The following FCRL4 variants were observed in gnomAD, a reference collection of about 807,000 sequenced individuals.
FCRL4 encodes Fc receptor like 4.
In FCRL4, 43 loss-of-function variants were observed where a neutral mutation model predicts 64.1. That is an observed-to-expected ratio of 0.67 (90% confidence interval 0.53 to 0.87). The LOEUF is 0.87. Among genes scored for constraint, FCRL4 ranks in the 40% least tolerant of loss-of-function variants. The pLI is 0.00. For synonymous variants in FCRL4, 253 were observed against 239.8 expected, an observed-to-expected ratio of 1.05 and a Z score of -0.51; for missense variants, 656 against 613.5, an observed-to-expected ratio of 1.07 and a Z score of -0.73.
chr1:157,592,100 T>A (rs1307888894), intron 2 of FCRL4, among the ~76,000 whole-genome samples: 4 of 152,144 alleles, frequency 2.6e-5, no homozygotes, highest in South Asian at 2.1e-4. Flanking sequence ...TAACTCAAGA[T>A]GGATTAAAGA....
intron 5 of FCRL4, 149 bp downstream of exon 5, chr1:157,587,127 A>G: frequency 4.9e-6 from 4 of 822,750 alleles, no homozygotes; most frequent in Non-Finnish European, 7.6e-6. Context: ...GAAGTCATGT[A>G]TTTCTTTTAT....
chr1:157,597,815 G>A, intron 1 of FCRL4, 99 bp downstream of exon 1: 1 of 837,638 alleles, frequency 1.2e-6, no homozygotes, highest in Non-Finnish European at 2.0e-6. Context: ...GTTCTAAAAT[G>A]GGAGTAAAAA....
intron 1 of FCRL4, 27 bp from the exon 2 acceptor site, chr1:157,596,375 C>T: frequency 6.2e-7 from 1 of 1,613,804 alleles, no homozygotes; most frequent in Non-Finnish European, 8.5e-7. Flanking sequence ...AGCCAGCCAT[C>T]AGCGTAGGCG....
intron 2 of FCRL4, 80 bp from the exon 3 acceptor site, chr1:157,589,538 G>C (rs1262207272): frequency 6.5e-7 from 1 of 1,540,154 alleles, no homozygotes; most frequent in Non-Finnish European, 8.8e-7. Context: ...TTACAGTGGA[G>C]GACATGGCTT....
Position 157,587,424 on chromosome 1 carries a change from G to T in FCRL4, c.699C>A (p.Gly233=). 1 of 1,614,210 alleles carries T rather than the reference G, an allele frequency of 6.2e-7. No individual in the cohort carries two copies. Among genetic ancestry groups the T allele is most frequent in the Non-Finnish European group, 8.5e-7 (1 of 1,180,044 alleles). Residue 233 remains glycine (G), a synonymous_variant, in exon 5 of 12, where the codon GGC becomes GGA. Transcript: ENST00000271532. ...TGCTCCAGTCTGACAGGATGACCTC[G>T]CCATCTCTGAAGAAGTTGAAGTGAA... ...TPLHFNFFRD[G]EVILSDWSTY... is the part of the protein sequence containing the mutation.
rs1652701583 is a variant in FCRL4 at position 157,586,543 on chromosome 1, T to A, written c.848-88A>T. The A allele has an allele frequency of 4.9e-6, 6 of 1,219,170 alleles. No individual in the cohort carries two copies. The South Asian group carries it at 8.6e-5, about 17-fold the overall frequency. The allele number at this position is 1,219,170 out of a possible 1,614,324, so 75.5% of individuals were successfully genotyped here. A position where few individuals can be genotyped will look rare whatever the true frequency, so the allele number is the denominator to read the frequency against. On this transcript the variant is annotated intron_variant, in intron 5 of 11. Transcript: ENST00000271532. ...GGGTGTTGGGCAGGGTTACTTTTTA[T>A]GTGACTTCAAGATATACTCTTCAGC...
intron 10 of FCRL4, 88 bp from the exon 11 acceptor site, chr1:157,575,818 C>T: frequency 4.0e-6 from 5 of 1,255,600 alleles, no homozygotes; most frequent in Admixed American, 3.4e-5. Context: ...AGTCTGAGAG[C>T]CACTGGGCCC....
chr1:157,586,196 C>G lies in FCRL4; in HGVS notation c.1107G>C (p.Gln369His). ...TCACAGTGACATTCAGCACCATGCT[C>G]TGGACAGGGCCGTAGCTGTTGTCTG... ...CTADNSYGPV[Q>H]SMVLNVTVRE... Residue 369 changes from glutamine (Q) to histidine (H), a missense_variant, in exon 6 of 12, where the codon CAG becomes CAC. Coordinates refer to ENST00000271532, the MANE Select transcript of FCRL4 (RefSeq NM_031282.3). 6.2e-7 allele frequency: 1 copy of G among 1,613,026 alleles called. No homozygotes were observed. The highest frequency in any genetic ancestry group is 1.3e-5 in the African/African-American group (1 of 75,012).
rs748339295 is a variant in FCRL4 at position 157,575,542 on chromosome 1, A to G, written c.1530T>C (p.Ser510=). The G allele has an allele frequency of 1.4e-5, 23 of 1,613,336 alleles. No individual in the cohort carries two copies. In the South Asian group the frequency reaches 1.6e-4, roughly 12 times the overall value. ...HPDNSAGKIS[S]KDEES Reference sequence around the variant, plus strand: ...CATTCTCTTAACTTTCTTCATCCTTAGAGCTGATCTTTCCAGCTGAGTTAT... The same window carrying G: ...CATTCTCTTAACTTTCTTCATCCTTGGAGCTGATCTTTCCAGCTGAGTTAT... The change falls in exon 12 of 12, where the codon TCT becomes TCC. Residue 510 remains serine, a synonymous_variant. Transcript: ENST00000271532.
At chr1:157,580,295 AG>A in intron 8 of FCRL4, 25 bp downstream of exon 8, 1 of 1,613,772 alleles carries the variant, frequency 6.2e-7, no homozygotes, top group East Asian at 2.2e-5. Context: ...GAAACTAAAA[AG>A]GAATGGCAGA....
intron 6 of FCRL4, among the ~76,000 whole-genome samples, chr1:157,585,228 CTCTTTCCTT>C (rs1182172552): frequency 7.1e-6 from 1 of 140,668 alleles, no homozygotes; most frequent in Non-Finnish European, 1.5e-5. Context: ...CCTTTCTTTC[CTCTTTCCTT>C]TCTTTCCTTT....
chr1:157,579,945 T>C (rs1571135840), intron 8 of FCRL4, among the ~76,000 whole-genome samples: 1 of 133,100 alleles, frequency 7.5e-6, no homozygotes, highest in South Asian at 2.1e-4. Context: ...ATTAGAAACA[T>C]AGAGTTCTCT....
chr1:157,581,512 C>CA lies in FCRL4; in HGVS notation c.1249+18dup. The CA allele has an allele frequency of 6.2e-7, 1 of 1,607,804 alleles. No individual in the cohort carries two copies. Among genetic ancestry groups the CA allele is most frequent in the African/African-American group, 1.3e-5 (1 of 74,900 alleles). On this transcript the variant is annotated intron_variant, in intron 7 of 11. Coordinates refer to ENST00000271532, the MANE Select transcript of FCRL4 (RefSeq NM_031282.3). The stretch of plus-strand genomic sequence containing the variant: ...GGAAGGAACAGGGCAGGAACTGTGG[C>CA]AAAGAAAAGAGCACAAACCTGACTT...
intron 1 of FCRL4, 31 bp from the exon 2 acceptor site, chr1:157,596,379 G>C (rs371249932): frequency 6.2e-7 from 1 of 1,613,660 alleles, no homozygotes; most frequent in African/African-American, 1.3e-5. Flanking sequence ...AGCCATCAGC[G>C]TAGGCGAAGA....
intron 1 of FCRL4, among the ~76,000 whole-genome samples, chr1:157,596,978 C>T (rs1033808121): frequency 6.6e-6 from 1 of 152,160 alleles, no homozygotes; most frequent in Admixed American, 6.5e-5. Context: ...CATGGGGTGC[C>T]CTTAGAAAAG....
Position 157,587,979 on chromosome 1 carries a change from A to C in FCRL4, c.448T>G (p.Trp150Gly). The change falls in exon 4 of 12, where the codon TGG becomes GGG. Residue 150 changes from tryptophan to glycine, a missense_variant. By Grantham distance (184) the Trp-to-Gly change is radical. Transcript: ENST00000271532. ...CTTGCTTGTGGGATAAGAAGATCCC[A>C]GCTTTTATTAGAAATGGAAAGAATG... ...GNILSISNKS[W>G]DLLIPQASSN... 6.2e-7 allele frequency: 1 copy of C among 1,613,316 alleles called. No individual in the cohort carries two copies. Among genetic ancestry groups the C allele is most frequent in the Non-Finnish European group, 8.5e-7 (1 of 1,179,588 alleles).
Position 157,578,461 on chromosome 1 carries a change from C to T in FCRL4, c.1429+13G>A, listed in dbSNP as rs1414491885. ...ATATAGTTTGCAGCCAGAATCTCTTCCCAAAGACGTACCTTCCTCTTCTTC... is the reference window on the plus strand; with the variant it reads ...ATATAGTTTGCAGCCAGAATCTCTTTCCAAAGACGTACCTTCCTCTTCTTC... On this transcript the variant is annotated intron_variant, in intron 10 of 11. Transcript: ENST00000271532. The T allele has an allele frequency of 1.2e-6, 2 of 1,606,772 alleles. No individual in the cohort carries two copies. The highest frequency in any genetic ancestry group is 1.7e-6 in the Non-Finnish European group (2 of 1,173,458).
chr1:157,587,620 C>G, intron 4 of FCRL4, 60 bp from the exon 5 acceptor site: 1 of 1,550,672 alleles, frequency 6.4e-7, no homozygotes, highest in East Asian at 2.3e-5. Flanking sequence ...CTGTGAGAGA[C>G]AGGTTTGGAT....
intron 2 of FCRL4, among the ~76,000 whole-genome samples, chr1:157,594,800 G>A (rs1173674302): frequency 2.6e-5 from 4 of 152,144 alleles, no homozygotes; most frequent in Non-Finnish European, 5.9e-5. Context: ...CTCTGTTTGA[G>A]GGGAAAAAGA....
Sources: gnomAD v4.1 joint callset for allele counts (sites outside exome capture counted in the v4.1 genomes callset) on GRCh38, gnomAD v4.1.1 for gene constraint, MANE v1.5 for transcripts, NCBI Gene and HGNC (gene_info 2026-07-23, HGNC 2026-07-21) for gene names.